Variants in C1orf21 observed in about 807,000 individuals in gnomAD.
C1orf21 encodes chromosome 1 open reading frame 21.
A neutral mutation model predicts 18.7 loss-of-function variants in C1orf21; 3 were observed. That is an observed-to-expected ratio of 0.16 (90% confidence interval 0.07 to 0.42). The LOEUF (loss-of-function observed/expected upper bound fraction) is 0.42, where lower values mean the gene tolerates loss of function less well. Among genes scored for constraint, C1orf21 ranks in the 10% least tolerant of loss-of-function variants. The pLI, the probability that C1orf21 is intolerant of heterozygous loss-of-function variation, is 0.99. For synonymous variants in C1orf21, 41 were observed against 46.4 expected (o/e 0.88, Z 0.47); for missense variants, 104 against 143.6 (o/e 0.72, Z 1.41).
chr1:184,543,741 A>G (rs1658691095), intron 3 of C1orf21, among the ~76,000 whole-genome samples: 1 of 152,218 alleles, frequency 6.6e-6, no homozygotes. Context: ...TGTCTTCATT[A>G]TTATGGAACT....
chr1:184,547,061 A>T (rs1241861287), intron 3 of C1orf21, among the ~76,000 whole-genome samples: 1 of 151,786 alleles, frequency 6.6e-6, no homozygotes, highest in African/African-American at 2.4e-5. Flanking sequence ...GACCATCAAG[A>T]GCCTTTCAGG....
chr1:184,612,470 AATCCC>A (rs1447011378), intron 5 of C1orf21, among the ~76,000 whole-genome samples: 1 of 152,216 alleles, frequency 6.6e-6, no homozygotes, highest in Non-Finnish European at 1.5e-5. Context: ...TCACACCTGT[AATCCC>A]AGCACTTTGG....
At chr1:184,470,887 A>T (rs537019430) in intron 1 of C1orf21, among the ~76,000 whole-genome samples, 57 of 152,204 alleles carry the variant, frequency 3.7e-4, no homozygotes, top group African/African-American at 1.1e-3. Context: ...TCAAAAAAAA[A>T]AAAAGAACAA....
chr1:184,596,076 A>C (rs1315942303), intron 4 of C1orf21, among the ~76,000 whole-genome samples: 1 of 152,176 alleles, frequency 6.6e-6, no homozygotes, highest in African/African-American at 2.4e-5. Flanking sequence ...TGATAAGTGC[A>C]TTCTTGATCG....
chr1:184,566,586 C>T (rs769646278), intron 3 of C1orf21: 2 of 376,058 alleles, frequency 5.3e-6, no homozygotes, highest in Admixed American at 3.1e-5. Flanking sequence ...CTTCTCCAAA[C>T]CAAGACTGCT....
chr1:184,410,634 TATATATATATATATATATATATA>T (rs1656324431), intron 1 of C1orf21, among the ~76,000 whole-genome samples: 1 of 3,438 alleles, frequency 2.9e-4, no homozygotes, highest in Non-Finnish European at 4.3e-4. Flanking sequence ...TATATATATA[TATATATATATATATATATATATA>T]TATATATTTT....
At chr1:184,407,569 T>A (rs1026781024) in intron 1 of C1orf21, among the ~76,000 whole-genome samples, 9 of 152,248 alleles carry the variant, frequency 5.9e-5, no homozygotes, top group African/African-American at 2.2e-4. Flanking sequence ...AACAAATGAG[T>A]GCTCATGAGT....
rs1341873380 is a variant in C1orf21 at position 184,619,598 on chromosome 1, A to T, written c.*42A>T. 4 of 1,585,364 alleles carry T rather than the reference A, an allele frequency of 2.5e-6. No homozygotes were observed. Among genetic ancestry groups the T allele is most frequent in the Non-Finnish European group, 3.5e-6 (4 of 1,157,402 alleles). On this transcript the variant is annotated 3_prime_UTR_variant, in exon 6 of 6. Transcript: ENST00000235307. The stretch of plus-strand genomic sequence containing the variant: ...CAAACCAGGAGCTACTACTGTGTAA[A>T]TAGGTTACACCCCAGTTGAAATCTT...
chr1:184,423,917 G>A (rs937442277), intron 1 of C1orf21, among the ~76,000 whole-genome samples: 1 of 150,944 alleles, frequency 6.6e-6, no homozygotes, highest in South Asian at 2.1e-4. Flanking sequence ...ATCATTTAAG[G>A]GTTTCCTTAA....
chr1:184,488,699 T>C (rs1657768775), intron 2 of C1orf21, among the ~76,000 whole-genome samples: 1 of 152,236 alleles, frequency 6.6e-6, no homozygotes, highest in Admixed American at 6.5e-5. Context: ...GCACAGTGGC[T>C]CACGCCTATA....
At chr1:184,469,520 G>T (rs1349670830) in intron 1 of C1orf21, among the ~76,000 whole-genome samples, 1 of 152,150 alleles carries the variant, frequency 6.6e-6, no homozygotes, top group African/African-American at 2.4e-5. Context: ...ATGGGCCAAG[G>T]GATCAGTGGC....
rs1659920990 is a variant in C1orf21 at position 184,621,830 on chromosome 1, G to C, written c.*2274G>C. On this transcript the variant is annotated 3_prime_UTR_variant, in exon 6 of 6. Coordinates refer to ENST00000235307, the MANE Select transcript of C1orf21 (RefSeq NM_030806.4). ...CCTGAACCAGCAGATTTTCACCTGG[G>C]TTCTGGCTCCGGTGTTTAACACTGG... 1 of 152,148 alleles carries C rather than the reference G, an allele frequency of 6.6e-6. No homozygotes were observed. Among genetic ancestry groups the C allele is most frequent in the African/African-American group, 2.4e-5 (1 of 41,426 alleles). 9.4% of individuals were successfully genotyped at this position (152,148 alleles called of 1,614,324 possible).
At chr1:184,566,298 A>G (rs936799106) in intron 3 of C1orf21, among the ~76,000 whole-genome samples, 3 of 152,230 alleles carry the variant, frequency 2.0e-5, no homozygotes, top group African/African-American at 7.2e-5. Context: ...AAACTGGGCC[A>G]TCTGCTGCCC....
Position 184,616,709 on chromosome 1 carries a change from T to TGTGTGTTGTGTGC in C1orf21, c.328-2809_328-2808insGTGTGTTGTGTGC, listed in dbSNP as rs1491159276. Among the ~76,000 whole-genome samples the TGTGTGTTGTGTGC allele has an allele frequency of 4.9e-4, 49 of 100,860 alleles. 1 individual carries two copies. In the South Asian group the frequency reaches 0.015, roughly 31 times the overall value. The allele number at this position is 100,860 out of a possible 152,430, so 66.2% of individuals were successfully genotyped here. A position where few individuals can be genotyped will look rare whatever the true frequency, so the allele number is the denominator to read the frequency against. ...GTGTGCTTGTGTGTGCACACGTGTG[T>TGTGTGTTGTGTGC]ATGTGTGTTGTGTGCACGTGTGTGT... is the stretch of plus-strand genomic sequence containing the variant. On this transcript the variant is annotated intron_variant, in intron 5 of 5. Transcript: ENST00000235307.
chr1:184,505,686 C>T (rs1363561076), intron 2 of C1orf21, among the ~76,000 whole-genome samples: 1 of 151,784 alleles, frequency 6.6e-6, no homozygotes. Context: ...TTGCTTGAAC[C>T]CGGGAGGCGG....
At position 184,619,636 on chromosome 1, in the gene C1orf21, T is replaced by C; in HGVS notation, c.*80T>C. 12 of 1,379,568 alleles carry C rather than the reference T, an allele frequency of 8.7e-6. No individual in the cohort carries two copies. The highest frequency in any genetic ancestry group is 1.1e-5 in the Non-Finnish European group (11 of 983,794). 85.5% of individuals were successfully genotyped at this position (1,379,568 alleles called of 1,614,324 possible). On this transcript the variant is annotated 3_prime_UTR_variant, in exon 6 of 6. Transcript: ENST00000235307. ...CAGTTGAAATCTTTGCAAAGGTCGG[T>C]TCTATTCAGCGAACAGCACTATAGC...
At chr1:184,552,492 C>T (rs1485972297) in intron 3 of C1orf21, among the ~76,000 whole-genome samples, 2 of 152,106 alleles carry the variant, frequency 1.3e-5, no homozygotes, top group Non-Finnish European at 2.9e-5. Context: ...TAGCCACAAC[C>T]TTTCTGGATG....
intron 3 of C1orf21, among the ~76,000 whole-genome samples, chr1:184,542,971 G>T (rs184118925): frequency 2.5e-4 from 38 of 152,280 alleles, no homozygotes; most frequent in Non-Finnish European, 3.2e-4. Flanking sequence ...GTGCTTTGGG[G>T]GATGATACTG....
chr1:184,433,690 C>T (rs936839082), intron 1 of C1orf21, among the ~76,000 whole-genome samples: 2 of 152,044 alleles, frequency 1.3e-5, no homozygotes, highest in Non-Finnish European at 2.9e-5. Context: ...TCCAGTATAT[C>T]AAAAATATTA....
Sources: allele counts gnomAD v4.1 joint callset (sites outside exome capture counted in the v4.1 genomes callset), GRCh38; gene constraint gnomAD v4.1.1; transcripts MANE v1.5; gene names NCBI Gene and HGNC (gene_info 2026-07-23, HGNC 2026-07-21).